FHIT: variants seen among roughly 807,000 people sequenced by gnomAD.
The protein encoded by FHIT is fragile histidine triad diadenosine triphosphatase, also known as bis(5'-adenosyl)-triphosphatase.
A neutral mutation model predicts 17.9 loss-of-function variants in FHIT; 19 were observed. The observed-to-expected ratio is 1.06, with a 90% CI of 0.74 to 1.56. The LOEUF (loss-of-function observed/expected upper bound fraction) is 1.56. Among genes scored for constraint, FHIT ranks in the 40% most tolerant of loss-of-function variants. FHIT has a pLI of 0.00. For missense variants in FHIT, 248 were observed against 189.2 expected (o/e 1.31, Z -1.82); for synonymous variants, 81 against 69.7 (o/e 1.16, Z -0.81).
chr3:59,977,274 C>T (rs965594808), intron 7 of FHIT, among the ~76,000 whole-genome samples: 10 of 152,248 alleles, frequency 6.6e-5, no homozygotes, highest in Middle Eastern at 6.8e-3. Flanking sequence ...CTCCAGCCTG[C>T]GGTTGCTTCC....
chr3:60,992,642 T>G (rs549943744), intron 3 of FHIT, among the ~76,000 whole-genome samples: 1 of 152,286 alleles, frequency 6.6e-6, no homozygotes, highest in African/African-American at 2.4e-5. Flanking sequence ...GGGAAGTGTG[T>G]TAAACTGGGA....
At chr3:60,095,381 C>T (rs35598923) in intron 5 of FHIT, among the ~76,000 whole-genome samples, 21,750 of 152,178 alleles carry the variant, frequency 0.14, 1,741 homozygotes, top group Non-Finnish European at 0.16. Flanking sequence ...AGTGCTTTTT[C>T]TATTGTTTTT....
chr3:60,654,168 C>A (rs1176357767), intron 4 of FHIT, among the ~76,000 whole-genome samples: 2 of 152,150 alleles, frequency 1.3e-5, no homozygotes, highest in African/African-American at 2.4e-5. Flanking sequence ...AGAAGCCGAG[C>A]CAGCACCGTG....
At chr3:60,902,096 A>G (rs1446754472) in intron 3 of FHIT, among the ~76,000 whole-genome samples, 1 of 152,196 alleles carries the variant, frequency 6.6e-6, no homozygotes, top group Non-Finnish European at 1.5e-5. Context: ...ATAGTTATAT[A>G]ACAAACACCA....
At chr3:60,458,348 G>A (rs541182525) in intron 5 of FHIT, among the ~76,000 whole-genome samples, 17 of 150,314 alleles carry the variant, frequency 1.1e-4, no homozygotes, top group South Asian at 4.3e-4. Flanking sequence ...ACCAAACACC[G>A]CATGTTCTCA....
intron 3 of FHIT, among the ~76,000 whole-genome samples, chr3:60,969,947 C>T (rs1709927215): frequency 6.6e-6 from 1 of 152,156 alleles, no homozygotes; most frequent in Admixed American, 6.5e-5. Flanking sequence ...TCACTGCAAC[C>T]TCTGCCTCCC....
chr3:60,195,002 C>T (rs1034030918), intron 5 of FHIT, among the ~76,000 whole-genome samples: 2 of 152,058 alleles, frequency 1.3e-5, no homozygotes, highest in Admixed American at 6.6e-5. Context: ...GCTGTAACAA[C>T]TAAAAATACA....
At chr3:60,036,585 G>T (rs1382376363) in intron 5 of FHIT, among the ~76,000 whole-genome samples, 4 of 152,068 alleles carry the variant, frequency 2.6e-5, no homozygotes, top group Non-Finnish European at 5.9e-5. Context: ...ATATTAAAAT[G>T]ATCATAAAGA....
rs74616775 is a variant in FHIT, at chr3:60,864,658, C to T, written c.-110-42647G>A. Among the ~76,000 whole-genome samples the T allele has an allele frequency of 7.8e-3, 1,193 of 152,200 alleles. 10 individuals are homozygous for T. Among genetic ancestry groups the T allele is most frequent in the African/African-American group, 0.028 (1,145 of 41,534 alleles). On this transcript the variant is annotated intron_variant, in intron 3 of 9. Transcript: ENST00000492590. ...TTGTCCTGACTTGAAAGACTTGAAC[C>T]TCTCAGCAGTTTGAATTTCGTTCTA...
chr3:60,441,762 A>T (rs1266880079), intron 5 of FHIT, among the ~76,000 whole-genome samples: 10 of 73,436 alleles, frequency 1.4e-4, no homozygotes, highest in African/African-American at 1.9e-4. Flanking sequence ...ATAAAAATAT[A>T]TATATATTTA....
intron 5 of FHIT, among the ~76,000 whole-genome samples, chr3:60,136,467 C>T (rs1255169934): frequency 6.6e-6 from 1 of 152,156 alleles, no homozygotes; most frequent in Non-Finnish European, 1.5e-5. Context: ...AGAAGACAAT[C>T]TAACCCCTGG....
At chr3:60,140,832 C>G (rs535649630) in intron 5 of FHIT, among the ~76,000 whole-genome samples, 33 of 152,244 alleles carry the variant, frequency 2.2e-4, no homozygotes, top group African/African-American at 7.2e-4. Flanking sequence ...CCTGCCTCGG[C>G]CTTCCAAAGT....
At chr3:60,188,211 T>C (rs796292306) in intron 5 of FHIT, among the ~76,000 whole-genome samples, 26 of 145,574 alleles carry the variant, frequency 1.8e-4, no homozygotes, top group Admixed American at 1.2e-3. Context: ...TTCTTTCTTT[T>C]TTTTTTTTTT....
intron 2 of FHIT, among the ~76,000 whole-genome samples, chr3:61,077,331 G>C (rs947650487): frequency 1.3e-5 from 2 of 152,062 alleles, no homozygotes; most frequent in Non-Finnish European, 2.9e-5. Flanking sequence ...AAGCATAGAA[G>C]CCCACAAAAT....
At chr3:60,014,228 T>A in intron 5 of FHIT, 76 bp from the exon 6 acceptor site, 1 of 1,472,370 alleles carries the variant, frequency 6.8e-7, no homozygotes, top group South Asian at 1.2e-5. Context: ...ACCCACAGGA[T>A]TGAATCCTCT....
intron 4 of FHIT, among the ~76,000 whole-genome samples, chr3:60,635,288 T>A (rs2039553213): frequency 8.1e-6 from 1 of 123,774 alleles, no homozygotes; most frequent in Admixed American, 8.3e-5. Context: ...CAGAATCACA[T>A]TTTTCTTTTT....
chr3:59,817,912 G>A (rs988797144), intron 8 of FHIT, among the ~76,000 whole-genome samples: 2 of 151,812 alleles, frequency 1.3e-5, no homozygotes, highest in African/African-American at 2.4e-5. Context: ...GCACTCCAAA[G>A]AAAGAAAGAA....
intron 5 of FHIT, among the ~76,000 whole-genome samples, chr3:60,406,053 T>C (rs932530705): frequency 1.3e-5 from 2 of 152,214 alleles, no homozygotes; most frequent in African/African-American, 4.8e-5. Context: ...TAGTAATCAT[T>C]ATTATAATAA....
chr3:61,179,565 A>C (rs1350130804), intron 2 of FHIT, among the ~76,000 whole-genome samples: 1 of 151,846 alleles, frequency 6.6e-6, no homozygotes, highest in Non-Finnish European at 1.5e-5. Flanking sequence ...TAAATTAACC[A>C]GGTGTGGTGG....
Sources: gnomAD v4.1 joint callset for allele counts (sites outside exome capture counted in the v4.1 genomes callset) on GRCh38, gnomAD v4.1.1 for gene constraint, MANE v1.5 for transcripts, NCBI Gene and HGNC (gene_info 2026-07-23, HGNC 2026-07-21) for gene names.